The following UGT2B4 variants were observed in gnomAD, a reference collection of about 807,000 sequenced individuals.
The protein encoded by UGT2B4 is UDP glucuronosyltransferase family 2 member B4.
A neutral mutation model predicts 49.8 loss-of-function variants in UGT2B4; 49 were observed. The ratio of observed to expected loss-of-function variants is 0.98; its 90% CI spans 0.78 to 1.25. UGT2B4 has a LOEUF of 1.25. Ranked by LOEUF, UGT2B4 falls within the 50% of genes most tolerant of loss-of-function variation. The probability of loss-of-function intolerance (pLI) is 0.00; values close to 1 mark genes in which losing one functional copy is unlikely to be tolerated. For missense variants in UGT2B4, 729 were observed against 627.7 expected (o/e 1.16, Z -1.73); for synonymous variants, 246 against 217.7 (o/e 1.13, Z -1.14).
At chr4:69,489,699 C>T (rs1727923085) in intron 2 of UGT2B4, 129 bp from the exon 3 acceptor site, 1 of 1,349,622 alleles carries the variant, frequency 7.4e-7, no homozygotes, top group East Asian at 2.5e-5. Context: ...TGTTTTTTAA[C>T]TGACTCAATT....
At chr4:69,481,940 C>G (rs1414524404) in intron 5 of UGT2B4, among the ~76,000 whole-genome samples, 3 of 152,162 alleles carry the variant, frequency 2.0e-5, no homozygotes, top group Non-Finnish European at 4.4e-5. Flanking sequence ...CTGATTAAGA[C>G]TTTTGCCTGA....
At chr4:69,492,580 T>G (rs1728022433) in intron 2 of UGT2B4, among the ~76,000 whole-genome samples, 1 of 152,100 alleles carries the variant, frequency 6.6e-6, no homozygotes, top group Admixed American at 6.6e-5. Context: ...AATCTTGAAA[T>G]GCTGAATAAT....
intron 4 of UGT2B4, among the ~76,000 whole-genome samples, 194 bp from the exon 5 acceptor site, chr4:69,485,621 A>T (rs1727758435): frequency 6.6e-6 from 1 of 152,188 alleles, no homozygotes; most frequent in Admixed American, 6.5e-5. Context: ...GTTTAACTTC[A>T]GACTGAAAAA....
chr4:69,506,632 G>C (rs1394130199), intron 1 of UGT2B4, among the ~76,000 whole-genome samples: 1 of 151,360 alleles, frequency 6.6e-6, no homozygotes, highest in African/African-American at 2.5e-5. Flanking sequence ...CAGCTAAATG[G>C]TGCCAGGCAT....
At chr4:69,517,087 C>A (rs1404216503) in intron 1 of UGT2B4, among the ~76,000 whole-genome samples, 1 of 151,526 alleles carries the variant, frequency 6.6e-6, no homozygotes, top group Non-Finnish European at 1.5e-5. Flanking sequence ...TTGGGAAAAC[C>A]AAAATCATTT....
At chr4:69,486,401 G>A (rs1275018963) in intron 4 of UGT2B4, among the ~76,000 whole-genome samples, 3 of 152,108 alleles carry the variant, frequency 2.0e-5, no homozygotes, top group Non-Finnish European at 4.4e-5. Flanking sequence ...AAGATACTCT[G>A]ACTCTGATTG....
intron 5 of UGT2B4, among the ~76,000 whole-genome samples, chr4:69,482,830 A>C (rs1205067183): frequency 6.9e-6 from 1 of 144,756 alleles, no homozygotes; most frequent in Non-Finnish European, 1.5e-5. Flanking sequence ...CTTGTCTCGA[A>C]CTCCTGACAT....
At position 69,489,434 on chromosome 4, in the gene UGT2B4, C is replaced by T. The variant is rs748920622; in HGVS notation, c.1002+5G>A. The T allele has an allele frequency of 2.5e-6, 4 of 1,609,398 alleles. No homozygotes were observed. In the South Asian group the frequency reaches 3.3e-5, roughly 13 times the overall value. ...TTTTTACACCATTAAAACATTTTAT[C>T]TTACCTTTTGTGGGATCTTGGCAAG... On this transcript the variant is annotated splice_donor_5th_base_variant and intron_variant, in intron 3 of 5. Transcript: ENST00000305107.
At chr4:69,484,760 G>A (rs915541237) in intron 5 of UGT2B4, among the ~76,000 whole-genome samples, 11 of 152,016 alleles carry the variant, frequency 7.2e-5, no homozygotes, top group African/African-American at 2.4e-4. Context: ...ACTTAAATAG[G>A]TCGGTTTTAT....
In UGT2B4 at chr4:69,495,467, GA is replaced by G; in HGVS notation, c.394del (p.Ser132GlnfsTer6). 1 of 1,612,874 alleles carries G rather than the reference GA, an allele frequency of 6.2e-7. No homozygotes were observed. Among genetic ancestry groups the G allele is most frequent in the East Asian group, 2.2e-5 (1 of 44,774 alleles). ...TAGTTTCTTCATAAGTTTCTTATTT[GA>G]AACTATATCCTTACAGAACTTTCTA... is the stretch of plus-strand genomic sequence containing the variant. ...ILRKFCKDIV[S>X]NKKLMKKLQE... On this transcript the variant is annotated frameshift_variant, in exon 1 of 6. Transcript: ENST00000305107. LOFTEE classifies it high-confidence loss of function.
chr4:69,490,293 G>A (rs1454928206), intron 2 of UGT2B4, among the ~76,000 whole-genome samples: 4 of 152,128 alleles, frequency 2.6e-5, no homozygotes, highest in African/African-American at 4.8e-5. Context: ...ATAGTCGAAT[G>A]ATTATATTTT....
At chr4:69,485,790 C>T (rs776252050) in intron 4 of UGT2B4, among the ~76,000 whole-genome samples, 1 of 152,170 alleles carries the variant, frequency 6.6e-6, no homozygotes, top group Admixed American at 6.5e-5. Flanking sequence ...GAGACGGAGT[C>T]TCCCTCTGTT....
chr4:69,509,455 T>G (rs1303235201), intron 1 of UGT2B4, among the ~76,000 whole-genome samples: 1 of 152,170 alleles, frequency 6.6e-6, no homozygotes, highest in Non-Finnish European at 1.5e-5. Context: ...TCACCTACAG[T>G]GTACAAGAGT....
intron 1 of UGT2B4, among the ~76,000 whole-genome samples, chr4:69,510,109 G>T (rs1047262676): frequency 2.6e-5 from 4 of 152,080 alleles, no homozygotes; most frequent in Non-Finnish European, 5.9e-5. Flanking sequence ...TTAAGAGACT[G>T]ACATTCCTCA....
At chr4:69,501,401 G>A (rs1459031224) in intron 1 of UGT2B4, among the ~76,000 whole-genome samples, 21 of 152,178 alleles carry the variant, frequency 1.4e-4, no homozygotes, top group Admixed American at 2.6e-4. Flanking sequence ...GTGTTCTCCC[G>A]CCACTAGAGA....
chr4:69,485,219 A>G lies in UGT2B4; in HGVS notation c.1299T>C (p.Ile433=). Residue 433 remains isoleucine (I), a synonymous_variant, in exon 5 of 6, where the codon ATT becomes ATC. Transcript: ENST00000305107. ...AAAGTTATACTCACAAAGGATCATT[A>G]ATTACTGTCTTCAGTGCATTGAGTA... ...TDLLNALKTV[I]NDPLYKENAM... 1 of 1,614,004 alleles carries G rather than the reference A, an allele frequency of 6.2e-7. No homozygotes were observed. The highest frequency in any genetic ancestry group is 1.1e-5 in the South Asian group (1 of 91,076).
intron 1 of UGT2B4, 41 bp downstream of exon 1, chr4:69,495,099 GA>G: frequency 6.7e-7 from 1 of 1,486,586 alleles, no homozygotes; most frequent in Non-Finnish European, 8.9e-7. Flanking sequence ...AAAGGTACAA[GA>G]AAGTTAGATC....
intron 1 of UGT2B4, among the ~76,000 whole-genome samples, chr4:69,518,876 G>T (rs540155750): frequency 2.0e-5 from 3 of 152,228 alleles, no homozygotes; most frequent in African/African-American, 7.2e-5. Context: ...TTAGTACAGG[G>T]TGTTCAGTAT....
chr4:69,495,754 C>T lies in UGT2B4; in HGVS notation c.108G>A (p.Trp36Ter). The T allele has an allele frequency of 6.2e-7, 1 of 1,614,020 alleles. No individual in the cohort carries two copies. Among genetic ancestry groups the T allele is most frequent in the Non-Finnish European group, 8.5e-7 (1 of 1,179,936 alleles). The change falls in exon 1 of 6, where the codon TGG (tryptophan) becomes TGA (stop). Residue 36 changes from tryptophan (W) to a stop codon, truncating the protein, a stop_gained. Coordinates refer to ENST00000305107, the MANE Select transcript of UGT2B4 (RefSeq NM_021139.3). LOFTEE classifies it high-confidence loss of function. ...CATCCAGGATTGTCTTTATATTCAT[C>T]CAGTGGCTGAATTCTGTGGGCCACA... ...VLVWPTEFSH[W>*]MNIKTILDEL...
Sources: allele counts gnomAD v4.1 joint callset (sites outside exome capture counted in the v4.1 genomes callset), GRCh38; gene constraint gnomAD v4.1.1; transcripts MANE v1.5; gene names NCBI Gene and HGNC (gene_info 2026-07-23, HGNC 2026-07-21).